The following CFAP299 variants were observed in gnomAD, a reference collection of about 807,000 sequenced individuals.
CFAP299 encodes the protein cilia- and flagella-associated protein 299.
A neutral mutation model predicts 27.0 loss-of-function variants in CFAP299; 21 were observed. The ratio of observed to expected loss-of-function variants is 0.78; its 90% CI spans 0.55 to 1.12. CFAP299 has a LOEUF of 1.12. Among genes scored for constraint, CFAP299 ranks in the 50% most tolerant of loss-of-function variants. CFAP299 has a pLI of 0.00. For synonymous variants in CFAP299, 104 were observed against 98.1 expected, an observed-to-expected ratio of 1.06 and a Z score of -0.36; for missense variants, 310 against 276.6, an observed-to-expected ratio of 1.12 and a Z score of -0.86.
At chr4:80,549,388 G>T (rs989806183) in intron 2 of CFAP299, among the ~76,000 whole-genome samples, 14 of 152,110 alleles carry the variant, frequency 9.2e-5, no homozygotes, top group Non-Finnish European at 1.3e-4. Context: ...GAGTGAAAAA[G>T]AAGGCAGTAT....
rs575227223 is a variant in CFAP299 at position 80,876,104 on chromosome 4, CTAAA to C, written c.476+5973_476+5976del. Reference sequence around the variant, plus strand: ...ACTAATTAATAACTAAAGCACTGTACTAAATAATTTATATATTACATATTATATA... The same window carrying C: ...ACTAATTAATAACTAAAGCACTGTACTAATTTATATATTACATATTATATA... On this transcript the variant is annotated intron_variant, in intron 4 of 5. Coordinates refer to ENST00000358105, the MANE Select transcript of CFAP299 (RefSeq NM_152770.3). Among the ~76,000 whole-genome samples the C allele has an allele frequency of 1.4e-3, 212 of 149,270 alleles. 2 individuals are homozygous for C. Among genetic ancestry groups the C allele is most frequent in the African/African-American group, 4.9e-3 (202 of 40,904 alleles).
intron 4 of CFAP299, chr4:80,871,360 A>AT: frequency 5.1e-6 from 5 of 985,282 alleles, no homozygotes; most frequent in Middle Eastern, 5.2e-4. Context: ...CGATCCACAC[A>AT]TTTTTTTCAC....
At chr4:80,461,913 C>G (rs1184859190) in intron 2 of CFAP299, among the ~76,000 whole-genome samples, 3 of 152,160 alleles carry the variant, frequency 2.0e-5, no homozygotes, top group Non-Finnish European at 4.4e-5. Flanking sequence ...CCACTTCCCT[C>G]CATCTATAAA....
intron 2 of CFAP299, among the ~76,000 whole-genome samples, chr4:80,427,622 A>G (rs1727591146): frequency 6.6e-6 from 1 of 152,166 alleles, no homozygotes; most frequent in Non-Finnish European, 1.5e-5. Context: ...ATCCTCAAAG[A>G]GTTATGTGGC....
chr4:80,514,317 C>A (rs1578539451), intron 2 of CFAP299, among the ~76,000 whole-genome samples: 1 of 152,098 alleles, frequency 6.6e-6, no homozygotes, highest in South Asian at 2.1e-4. Flanking sequence ...TGTTATTAAT[C>A]TTTCCAGATT....
At chr4:80,844,601 G>A (rs182646949) in intron 3 of CFAP299, among the ~76,000 whole-genome samples, 2 of 151,278 alleles carry the variant, frequency 1.3e-5, no homozygotes, top group Non-Finnish European at 2.9e-5. Context: ...TGATGGGGTT[G>A]TTTGTTTTTT....
At chr4:80,729,440 A>G (rs1479362019) in intron 3 of CFAP299, among the ~76,000 whole-genome samples, 1 of 152,066 alleles carries the variant, frequency 6.6e-6, no homozygotes, top group South Asian at 2.1e-4. Flanking sequence ...AAATAATGGT[A>G]TGTCACTCTG....
chr4:80,330,237 C>G, the CFAP299 span, among the ~76,000 whole-genome samples: 3 of 152,290 alleles, frequency 2.0e-5, no homozygotes, highest in Middle Eastern at 0.01. Flanking sequence ...CTTCTGTCTC[C>G]TGACCTAAGA....
intron 2 of CFAP299, among the ~76,000 whole-genome samples, chr4:80,413,750 C>CTTTTTTTTTTTTTTTTTTT (rs66780627): frequency 1.8e-5 from 2 of 108,310 alleles, no homozygotes; most frequent in Non-Finnish European, 3.5e-5. Flanking sequence ...TTGTGTCATT[C>CTTTTTTTTTTTTTTTTTTT]TTTTTTTTTT....
intron 3 of CFAP299, among the ~76,000 whole-genome samples, chr4:80,679,888 AACTT>A (rs946165550): frequency 6.6e-5 from 10 of 151,914 alleles, no homozygotes; most frequent in Non-Finnish European, 1.3e-4. Context: ...CCCAGACTGT[AACTT>A]ACTTTTTCAT....
intron 3 of CFAP299, among the ~76,000 whole-genome samples, chr4:80,671,489 T>G (rs766346275): frequency 1.3e-5 from 2 of 152,204 alleles, no homozygotes; most frequent in Non-Finnish European, 2.9e-5. Flanking sequence ...TCTTTTGTGG[T>G]TCCGTATGAA....
intron 3 of CFAP299, among the ~76,000 whole-genome samples, chr4:80,626,817 A>G (rs1047933350): frequency 2.6e-5 from 4 of 151,794 alleles, no homozygotes; most frequent in African/African-American, 9.7e-5. Context: ...ATCTTTACAG[A>G]CCAATAACCA....
intron 4 of CFAP299, among the ~76,000 whole-genome samples, chr4:80,902,730 T>C (rs1734992549): frequency 6.6e-6 from 1 of 151,380 alleles, no homozygotes; most frequent in Admixed American, 6.6e-5. Context: ...GATAACATCA[T>C]TTTTTTATAA....
chr4:80,860,749 C>G (rs1732281664), intron 3 of CFAP299, among the ~76,000 whole-genome samples: 1 of 152,138 alleles, frequency 6.6e-6, no homozygotes, highest in African/African-American at 2.4e-5. Context: ...GAATGTTGCT[C>G]TCTGATCGTT....
At chr4:80,701,351 T>C (rs1401356065) in intron 3 of CFAP299, among the ~76,000 whole-genome samples, 4 of 152,072 alleles carry the variant, frequency 2.6e-5, no homozygotes, top group African/African-American at 9.7e-5. Context: ...AATTCAAACA[T>C]TCAGTTATCA....
chr4:80,458,093 G>A (rs558194124), intron 2 of CFAP299, among the ~76,000 whole-genome samples: 19 of 151,534 alleles, frequency 1.3e-4, no homozygotes, highest in South Asian at 2.1e-4. Context: ...TTTTTAGCCC[G>A]TTTATACTCC....
chr4:80,862,127 T>G (rs1578194019), intron 3 of CFAP299, among the ~76,000 whole-genome samples: 1 of 152,292 alleles, frequency 6.6e-6, no homozygotes, highest in African/African-American at 2.4e-5. Context: ...CCCAGCACTT[T>G]GGAAGGCCAC....
chr4:80,917,459 T>C (rs975957673), intron 4 of CFAP299, among the ~76,000 whole-genome samples: 8 of 152,184 alleles, frequency 5.3e-5, no homozygotes, highest in Admixed American at 3.3e-4. Context: ...GAAAAAGGAA[T>C]TACTAATATT....
At chr4:80,459,548 C>T (rs185762270) in intron 2 of CFAP299, among the ~76,000 whole-genome samples, 73 of 152,240 alleles carry the variant, frequency 4.8e-4, no homozygotes, top group Non-Finnish European at 1.0e-3. Context: ...TAAAATTTGC[C>T]TTGGTCTCTC....
Sources: allele counts gnomAD v4.1 joint callset (sites outside exome capture counted in the v4.1 genomes callset), GRCh38; gene constraint gnomAD v4.1.1; transcripts MANE v1.5; gene names NCBI Gene and HGNC (gene_info 2026-07-23, HGNC 2026-07-21).